Variants in ITSN2 observed in about 807,000 individuals in gnomAD.
The protein encoded by ITSN2 is intersectin 2.
ITSN2 carries 156 observed loss-of-function variants against 243.7 expected under a neutral mutation model. The observed-to-expected ratio is 0.64, with a 90% CI of 0.56 to 0.73. ITSN2 has a LOEUF of 0.73. Ranked by LOEUF, ITSN2 falls within the 30% of genes least tolerant of loss-of-function variation. The pLI is 0.00. For missense variants in ITSN2, 1,801 were observed against 1,996.1 expected (o/e 0.90, Z 1.86); for synonymous variants, 703 against 699.9 (o/e 1.00, Z -0.07).
At chr2:24,301,069 T>C in intron 11 of ITSN2, 85 bp downstream of exon 11, 2 of 721,238 alleles carry the variant, frequency 2.8e-6, no homozygotes, top group Non-Finnish European at 4.5e-6. Context: ...ATTAAAAATA[T>C]AAAAATTCTA....
intron 21 of ITSN2, 93 bp downstream of exon 21, chr2:24,261,468 C>T: frequency 9.2e-7 from 1 of 1,082,800 alleles, no homozygotes. Flanking sequence ...ACCCGGATTA[C>T]ACTATGATGA....
chr2:24,237,825 C>T (rs1359404504), intron 29 of ITSN2, among the ~76,000 whole-genome samples: 2 of 152,176 alleles, frequency 1.3e-5, no homozygotes, highest in African/African-American at 4.8e-5. Flanking sequence ...GGCCGAACTT[C>T]AATCCATTTA....
Position 24,204,782 on chromosome 2 carries a change from G to A in ITSN2, c.4763-364C>T, listed in dbSNP as rs997238738. ...TGATAAGAATATTGGTCCAATATGC[G>A]CATTTTAGTGGCACTGGACACACTG... is the stretch of plus-strand genomic sequence containing the variant. On this transcript the variant is annotated intron_variant, in intron 38 of 39. Transcript: ENST00000355123. This position sits in a 1 kb window ranked among gnomAD's most constrained non-coding sequence, Gnocchi z 5.1. The A allele has an allele frequency of 1.3e-5, 6 of 478,784 alleles. No individual in the cohort carries two copies. Among genetic ancestry groups the A allele is most frequent in the Non-Finnish European group, 2.5e-5 (6 of 242,256 alleles). 29.7% of individuals were successfully genotyped at this position (478,784 alleles called of 1,614,324 possible).
chr2:24,348,066 C>T (rs1367656972), intron 1 of ITSN2, among the ~76,000 whole-genome samples: 2 of 151,506 alleles, frequency 1.3e-5, no homozygotes, highest in Non-Finnish European at 1.5e-5. Flanking sequence ...CAGTGAGACC[C>T]TATATCTATA....
chr2:24,246,364 T>C (rs1283939125), intron 28 of ITSN2, 44 bp from the exon 29 acceptor site: 3 of 1,174,086 alleles, frequency 2.6e-6, no homozygotes, highest in Non-Finnish European at 3.7e-6. Context: ...AAATTAATTA[T>C]TCCTGCAAGG....
At chr2:24,270,521 G>A (rs1044842274) in intron 20 of ITSN2, 150 bp downstream of exon 20, 29 of 554,974 alleles carry the variant, frequency 5.2e-5, no homozygotes, top group African/African-American at 5.2e-4. Flanking sequence ...ATGCAGCTCT[G>A]AAGTATGTTG....
At chr2:24,289,413 T>C (rs928332809) in intron 15 of ITSN2, among the ~76,000 whole-genome samples, 2 of 152,200 alleles carry the variant, frequency 1.3e-5, no homozygotes, top group Non-Finnish European at 2.9e-5. Flanking sequence ...TGAATAGTTA[T>C]TGGTGTAAAA....
At chr2:24,271,695 T>C in intron 19 of ITSN2, 71 bp downstream of exon 19, 2 of 1,421,346 alleles carry the variant, frequency 1.4e-6, no homozygotes. Flanking sequence ...TCTTCCCTTT[T>C]TTTGTCTCTT....
At chr2:24,236,475 T>C (rs2151227339) in intron 29 of ITSN2, among the ~76,000 whole-genome samples, 1 of 152,278 alleles carries the variant, frequency 6.6e-6, no homozygotes, top group East Asian at 1.9e-4. Flanking sequence ...ACCAATTGCA[T>C]GGCAAGTGAA....
intron 20 of ITSN2, among the ~76,000 whole-genome samples, chr2:24,266,658 G>A (rs1402506987): frequency 6.6e-6 from 1 of 151,890 alleles, no homozygotes; most frequent in Non-Finnish European, 1.5e-5. Context: ...GCCAGGCACG[G>A]TGGTTCATGC....
At position 24,310,315 on chromosome 2, in the gene ITSN2, C is replaced by A. The variant is rs758241870; in HGVS notation, c.622G>T (p.Ala208Ser). Residue 208 changes from alanine (A) to serine (S), a missense_variant, in exon 7 of 40, where the codon GCG becomes TCG. Around this residue, in one of 5 missense-constraint regions of ITSN2, gnomAD observed 787 missense variants for 803.9 expected, o/e 0.98. Transcript: ENST00000355123. Reference protein sequence around the residue: ...GGFGGASIQKAQSLIDLGSSS... With the variant: ...GGFGGASIQKSQSLIDLGSSS... ...GATCCTAAATCAATCAGAGACTGCGCTTTCTGTATACTAGCACCTCCAAAT... is the reference window on the plus strand; with the variant it reads ...GATCCTAAATCAATCAGAGACTGCGATTTCTGTATACTAGCACCTCCAAAT... 6.2e-7 allele frequency: 1 copy of A among 1,613,674 alleles called. No individual in the cohort carries two copies. Among genetic ancestry groups the A allele is most frequent in the Admixed American group, 1.7e-5 (1 of 59,948 alleles).
In ITSN2 at chr2:24,248,576, A is replaced by G. The variant is rs1330557156; in HGVS notation, c.3288+53T>C. ...TTTATTAATTTTATCTTTTTTATGGAGCATGCAGTACTTTTATAATAAAAT... is the reference window on the plus strand; with the variant it reads ...TTTATTAATTTTATCTTTTTTATGGGGCATGCAGTACTTTTATAATAAAAT... On this transcript the variant is annotated intron_variant, in intron 27 of 39. Transcript: ENST00000355123. The G allele has an allele frequency of 7.6e-6, 11 of 1,444,760 alleles. No individual in the cohort carries two copies. The East Asian group carries it at 1.9e-4, about 25-fold the overall frequency. The allele number at this position is 1,444,760 out of a possible 1,614,324, so 89.5% of individuals were successfully genotyped here. A position where few individuals can be genotyped will look rare whatever the true frequency, so the allele number is the denominator to read the frequency against.
intron 29 of ITSN2, among the ~76,000 whole-genome samples, chr2:24,235,902 C>G (rs1672100533): frequency 6.6e-6 from 1 of 152,188 alleles, no homozygotes. Context: ...GCCCTGTACA[C>G]TGCTGGCGGA....
chr2:24,299,327 T>C (rs1232894646), intron 12 of ITSN2, among the ~76,000 whole-genome samples: 1 of 152,218 alleles, frequency 6.6e-6, no homozygotes, highest in Non-Finnish European at 1.5e-5. Flanking sequence ...TTAACAGGAA[T>C]AATTTTCCCT....
chr2:24,248,788 C>A lies in ITSN2; in HGVS notation c.3167-38G>T, dbSNP rs188257909. On this transcript the variant is annotated intron_variant, in intron 26 of 39. Coordinates refer to ENST00000355123, the MANE Select transcript of ITSN2 (RefSeq NM_006277.3). The stretch of plus-strand genomic sequence containing the variant: ...AGAAGAAACTATGAATTCAAGATTG[C>A]GACAGAGCAAACACGTTAGTAATTT... 21 of 1,612,842 alleles carry A rather than the reference C, an allele frequency of 1.3e-5. No individual in the cohort carries two copies. In the African/African-American group the frequency reaches 2.7e-4, roughly 21 times the overall value.
intron 5 of ITSN2, 55 bp downstream of exon 5, chr2:24,312,157 C>A: frequency 1.4e-6 from 2 of 1,380,936 alleles, no homozygotes; most frequent in Non-Finnish European, 2.0e-6. Flanking sequence ...CTCAAATATG[C>A]CTAGGGATAA....
chr2:24,321,148 T>A (rs934926115), intron 2 of ITSN2, among the ~76,000 whole-genome samples: 2 of 152,216 alleles, frequency 1.3e-5, no homozygotes, highest in African/African-American at 4.8e-5. Flanking sequence ...GATGTCTGCA[T>A]TGCAAATACA....
intron 17 of ITSN2, among the ~76,000 whole-genome samples, chr2:24,281,978 C>T (rs934176262): frequency 1.4e-4 from 21 of 152,312 alleles, no homozygotes; most frequent in Middle Eastern, 3.4e-3. Flanking sequence ...TTGAAGCTGT[C>T]GATATGGGAG....
intron 22 of ITSN2, among the ~76,000 whole-genome samples, 182 bp downstream of exon 22, chr2:24,260,924 T>A (rs1243748609): frequency 2.0e-5 from 2 of 99,290 alleles, no homozygotes; most frequent in African/African-American, 3.3e-5. Flanking sequence ...AAAAAAAAAT[T>A]GTTGAGAAAC....
Sources: allele counts gnomAD v4.1 joint callset (sites outside exome capture counted in the v4.1 genomes callset), GRCh38; gene constraint gnomAD v4.1.1; regional missense constraint gnomAD v4.1.1; non-coding constraint Gnocchi (gnomAD v3.1); transcripts MANE v1.5; gene names NCBI Gene and HGNC (gene_info 2026-07-23, HGNC 2026-07-21).